Variants in RBFOX1 observed in about 807,000 individuals in gnomAD.
RBFOX1 encodes RNA binding protein fox-1 homolog 1.
In RBFOX1, 8 loss-of-function variants were observed where a neutral mutation model predicts 57.7. The ratio of observed to expected loss-of-function variants is 0.14; its 90% CI spans 0.08 to 0.25. The LOEUF is 0.25. Ranked by LOEUF, RBFOX1 falls within the 10% of genes least tolerant of loss-of-function variation. The pLI, the probability that RBFOX1 is intolerant of heterozygous loss-of-function variation, is 1.00. For missense variants in RBFOX1, 611 were observed against 548.5 expected, an observed-to-expected ratio of 1.11 and a Z score of -1.14; for synonymous variants, 326 against 222.4, an observed-to-expected ratio of 1.47 and a Z score of -4.15.
intron 1 of RBFOX1, among the ~76,000 whole-genome samples, chr16:5,343,889 A>G (rs943721754): frequency 2.6e-5 from 4 of 152,206 alleles, no homozygotes; most frequent in South Asian, 2.1e-4. Flanking sequence ...TGCAGTATGT[A>G]TACTGTGCAG....
At chr16:6,868,545 C>G (rs909998906) in intron 3 of RBFOX1, among the ~76,000 whole-genome samples, 4 of 152,038 alleles carry the variant, frequency 2.6e-5, no homozygotes, top group African/African-American at 9.7e-5. Context: ...GATAACGGCT[C>G]ACTGCAACCT....
chr16:6,692,147 T>A (rs768174562), intron 3 of RBFOX1, among the ~76,000 whole-genome samples: 2 of 152,206 alleles, frequency 1.3e-5, no homozygotes, highest in Non-Finnish European at 2.9e-5. Flanking sequence ...GGTAACATAT[T>A]CTCCTATTTT....
chr16:6,233,675 C>G (rs1163819805), intron 1 of RBFOX1, among the ~76,000 whole-genome samples: 2 of 152,124 alleles, frequency 1.3e-5, no homozygotes, highest in Non-Finnish European at 2.9e-5. Flanking sequence ...GTAGAGCAAT[C>G]ATAGCTCACT....
intron 3 of RBFOX1, among the ~76,000 whole-genome samples, chr16:6,910,933 G>GCT (rs1326062931): frequency 6.6e-6 from 1 of 152,146 alleles, no homozygotes; most frequent in Non-Finnish European, 1.5e-5. Flanking sequence ...AGGTGCAGAG[G>GCT]CTCACACCTG....
intron 2 of RBFOX1, among the ~76,000 whole-genome samples, chr16:6,639,938 T>C (rs751071076): frequency 6.6e-6 from 1 of 152,160 alleles, no homozygotes; most frequent in Non-Finnish European, 1.5e-5. Context: ...ACAGGTATTT[T>C]GACCCCTAAC....
At chr16:5,423,030 G>A (rs573853923) in intron 1 of RBFOX1, among the ~76,000 whole-genome samples, 11 of 110,916 alleles carry the variant, frequency 9.9e-5, no homozygotes, top group Admixed American at 2.6e-4. Flanking sequence ...GGGAGGAAGG[G>A]GAGGGAGGAG....
chr16:6,900,179 G>C (rs181420227), intron 3 of RBFOX1, among the ~76,000 whole-genome samples: 1 of 152,264 alleles, frequency 6.6e-6, no homozygotes, highest in East Asian at 1.9e-4. Context: ...TTCTTATGCT[G>C]AGCCTGTGTG....
chr16:6,956,183 A>C (rs573062344), intron 3 of RBFOX1, among the ~76,000 whole-genome samples: 42 of 152,308 alleles, frequency 2.8e-4, no homozygotes, highest in Middle Eastern at 6.8e-3. Flanking sequence ...AGGAAGGATG[A>C]GAATGGAGAT....
At chr16:6,415,265 A>T (rs1042499068) in intron 2 of RBFOX1, among the ~76,000 whole-genome samples, 13 of 134,466 alleles carry the variant, frequency 9.7e-5, no homozygotes, top group Non-Finnish European at 1.9e-4. Context: ...AAAAAAAAAA[A>T]ATAGCGTTCA....
chr16:7,295,453 G>T (rs1220265333), intron 4 of RBFOX1, among the ~76,000 whole-genome samples: 2 of 152,118 alleles, frequency 1.3e-5, no homozygotes, highest in Non-Finnish European at 2.9e-5. Flanking sequence ...GTGGTTGCTA[G>T]ATAATGGGCA....
At chr16:5,711,667 C>A (rs1015261198) in intron 3 of RBFOX1, among the ~76,000 whole-genome samples, 10 of 152,242 alleles carry the variant, frequency 6.6e-5, no homozygotes, top group African/African-American at 2.4e-4. Flanking sequence ...TCTTAAAGGG[C>A]CTTGCATGCC....
rs141395804 is a variant in RBFOX1 at position 7,470,757 on chromosome 16, G to T, written c.28-47390G>T. ...GATGAGCCCAAGCAGATTCCTCAAG[G>T]AGTAGAATTTGATTTATGCCATTGA... On this transcript the variant is annotated intron_variant, in intron 4 of 15. Transcript: ENST00000550418. Among the ~76,000 whole-genome samples, 10 of 152,218 alleles carry T rather than the reference G, an allele frequency of 6.6e-5. No homozygotes were observed. In the East Asian group the frequency reaches 1.9e-3, roughly 29 times the overall value.
chr16:7,101,764 T>C (rs958828657), intron 4 of RBFOX1, among the ~76,000 whole-genome samples: 1 of 152,182 alleles, frequency 6.6e-6, no homozygotes, highest in Non-Finnish European at 1.5e-5. Flanking sequence ...ATGCCTGTCC[T>C]GGTCCTCTTT....
intron 3 of RBFOX1, among the ~76,000 whole-genome samples, chr16:6,932,069 C>T (rs2076650731): frequency 1.3e-5 from 2 of 152,038 alleles, no homozygotes; most frequent in East Asian, 1.9e-4. Flanking sequence ...GCCTTCATGA[C>T]CTGATCATCT....
intron 1 of RBFOX1, among the ~76,000 whole-genome samples, chr16:5,309,340 A>T (rs1002412270): frequency 6.6e-6 from 1 of 152,140 alleles, no homozygotes; most frequent in Admixed American, 6.6e-5. Context: ...GTCATTGATA[A>T]CAGTTCTCAT....
chr16:5,673,373 G>T (rs2050073055), intron 3 of RBFOX1, among the ~76,000 whole-genome samples: 1 of 152,128 alleles, frequency 6.6e-6, no homozygotes, highest in Admixed American at 6.5e-5. Context: ...AGTAAAGAAG[G>T]TGCATGAAGC....
At chr16:6,276,307 C>G (rs1020599072) in intron 1 of RBFOX1, among the ~76,000 whole-genome samples, 1 of 152,132 alleles carries the variant, frequency 6.6e-6, no homozygotes, top group African/African-American at 2.4e-5. Context: ...GCTTGGGGCA[C>G]ATGCTCATAG....
chr16:6,781,761 T>G lies in RBFOX1; in HGVS notation c.-16+127111T>G, dbSNP rs181795979. On this transcript the variant is annotated intron_variant, in intron 3 of 15. Transcript: ENST00000550418. ...TACCTTTGAATTTCTGTGGTATCTG[T>G]TTTAATATTTTCTTAGCTCTGATTT... Among the ~76,000 whole-genome samples the G allele has an allele frequency of 2.8e-3, 427 of 152,280 alleles. 1 individual carries two copies. The highest frequency in any genetic ancestry group is 1.0e-2 in the African/African-American group (414 of 41,564).
intron 1 of RBFOX1, among the ~76,000 whole-genome samples, chr16:6,161,304 G>A (rs762171293): frequency 3.5e-4 from 53 of 151,694 alleles, no homozygotes; most frequent in Non-Finnish European, 6.0e-4. Context: ...CAGGAGAATC[G>A]CTTGAGCCTG....
Sources: allele counts gnomAD v4.1 joint callset (sites outside exome capture counted in the v4.1 genomes callset), GRCh38; gene constraint gnomAD v4.1.1; transcripts MANE v1.5; gene names NCBI Gene and HGNC (gene_info 2026-07-23, HGNC 2026-07-21).